Variants in TMEM62 observed in about 807,000 individuals in gnomAD.
TMEM62 encodes the protein transmembrane protein 62.
TMEM62 carries 41 observed loss-of-function variants against 70.4 expected under a neutral mutation model. That is an observed-to-expected ratio of 0.58 (90% CI 0.45 to 0.76). The LOEUF (loss-of-function observed/expected upper bound fraction) is 0.76. Among genes scored for constraint, TMEM62 ranks in the 30% least tolerant of loss-of-function variants. The pLI, the probability that TMEM62 is intolerant of heterozygous loss-of-function variation, is 0.00. For missense variants in TMEM62, 688 were observed against 788.5 expected, an observed-to-expected ratio of 0.87 and a Z score of 1.53; for synonymous variants, 268 against 291.0, an observed-to-expected ratio of 0.92 and a Z score of 0.80.
chr15:43,178,626 T>C lies in TMEM62; in HGVS notation c.1401T>C (p.Asn467=). The change falls in exon 12 of 14, where the codon AAT becomes AAC. Residue 467 remains asparagine (N), a synonymous_variant. Coordinates refer to ENST00000260403, the MANE Select transcript of TMEM62 (RefSeq NM_024956.4). The part of the protein sequence containing the change: ...PELKEPSGFI[N]LTSFSLHVLS... ...TTTTAGAACCTTCAGGGTTTATAAA[T>C]CTGACCTCATTTTCTCTTCATGTCT... The C allele has an allele frequency of 6.2e-7, 1 of 1,611,356 alleles. No homozygotes were observed.
intron 10 of TMEM62, among the ~76,000 whole-genome samples, chr15:43,167,691 G>T (rs927892663): frequency 1.6e-4 from 24 of 152,120 alleles, no homozygotes; most frequent in African/African-American, 5.3e-4. Flanking sequence ...GGGCGGCCAG[G>T]CAGAGACGCT....
rs115864676 is a variant in TMEM62, at chr15:43,148,721, A to G, written c.619-34A>G. 1.6e-3 allele frequency: 2,521 copies of G among 1,604,056 alleles called. 45 individuals are homozygous for G. The African/African-American group carries it at 0.029, about 19-fold the overall frequency. ...GACATTAGATTTTAGCCTGAGCCCT[A>G]ATTTAAGATCCTTCCATTTTTCTCC... On this transcript the variant is annotated intron_variant, in intron 5 of 13. Transcript: ENST00000260403.
chr15:43,149,832 G>A (rs569028526), intron 7 of TMEM62, among the ~76,000 whole-genome samples: 3 of 152,092 alleles, frequency 2.0e-5, no homozygotes, highest in Non-Finnish European at 4.4e-5. Context: ...TACCATACTG[G>A]TTATTGTTAC....
intron 8 of TMEM62, among the ~76,000 whole-genome samples, 189 bp from the exon 9 acceptor site, chr15:43,154,483 G>T (rs2037797572): frequency 6.6e-6 from 1 of 152,106 alleles, no homozygotes; most frequent in South Asian, 2.1e-4. Context: ...GTTCAGTTTT[G>T]CTAATTGTCC....
chr15:43,184,278 C>T lies in TMEM62; in HGVS notation c.1624C>T (p.Pro542Ser). Residue 542 changes from proline to serine, a missense_variant, in exon 14 of 14, where the codon CCC (proline) becomes TCC (serine). Transcript: ENST00000260403. ...GILQLAFFNIPLMAYMCWSLL... is the reference protein window; with the variant it reads ...GILQLAFFNISLMAYMCWSLL... ...TTTCCAGCTGGCGTTTTTTAACATC[C>T]CCTTGATGGCTTACATGTGTTGGAG... is the stretch of plus-strand genomic sequence containing the variant. 6.2e-7 allele frequency: 1 copy of T among 1,612,750 alleles called. No homozygotes were observed. The highest frequency in any genetic ancestry group is 8.5e-7 in the Non-Finnish European group (1 of 1,179,274).
At chr15:43,151,205 C>T (rs945159382) in intron 7 of TMEM62, among the ~76,000 whole-genome samples, 11 of 151,156 alleles carry the variant, frequency 7.3e-5, no homozygotes, top group African/African-American at 2.2e-4. Context: ...GGTGTGGTGG[C>T]GGGCACCTGT....
rs2041747286 is a variant in TMEM62 at position 43,184,889 on chromosome 15, G to A, written c.*303G>A. On this transcript the variant is annotated 3_prime_UTR_variant, in exon 14 of 14. Transcript: ENST00000260403. ...TCCACAGGGTAGAGGTTGGGTGTGT[G>A]TACGGGAGTGTCTGAGGCCCAGTGT... is the stretch of plus-strand genomic sequence containing the variant. The A allele has an allele frequency of 1.2e-5, 5 of 409,380 alleles. No individual in the cohort carries two copies. The allele number at this position is 409,380 out of a possible 1,614,324, so 25.4% of individuals were successfully genotyped here.
At chr15:43,184,127 C>T (rs1016351939) in intron 13 of TMEM62, 133 bp from the exon 14 acceptor site, 4 of 742,574 alleles carry the variant, frequency 5.4e-6, no homozygotes, top group African/African-American at 5.3e-5. Flanking sequence ...GTGTTATAAG[C>T]AACTGTGCTT....
At chr15:43,138,427 GAAT>G in intron 3 of TMEM62, 144 bp from the exon 4 acceptor site, 1 of 650,840 alleles carries the variant, frequency 1.5e-6, no homozygotes, top group Non-Finnish European at 2.6e-6. Context: ...ACTGTTTGCT[GAAT>G]AATAAATGGA....
At chr15:43,160,170 T>A (rs540357268) in intron 9 of TMEM62, among the ~76,000 whole-genome samples, 1 of 152,152 alleles carries the variant, frequency 6.6e-6, no homozygotes, top group East Asian at 2.0e-4. Flanking sequence ...GGTTTCACTA[T>A]GTTGGCCAGG....
intron 13 of TMEM62, among the ~76,000 whole-genome samples, chr15:43,183,098 C>G (rs1421208074): frequency 6.6e-6 from 1 of 152,224 alleles, no homozygotes; most frequent in African/African-American, 2.4e-5. Context: ...TAATAAATGA[C>G]TCCACCATTC....
chr15:43,151,687 A>G, intron 7 of TMEM62, 103 bp from the exon 8 acceptor site: 1 of 993,858 alleles, frequency 1.0e-6, no homozygotes, highest in Non-Finnish European at 1.5e-6. Context: ...TAATCATGTA[A>G]AAAAGTCCTA....
intron 5 of TMEM62, among the ~76,000 whole-genome samples, chr15:43,147,540 C>A (rs2036830395): frequency 6.6e-6 from 1 of 151,800 alleles, no homozygotes; most frequent in Non-Finnish European, 1.5e-5. Context: ...AGGTATAAGA[C>A]CAGTATAGAA....
chr15:43,138,884 A>C (rs1239817527), intron 4 of TMEM62, among the ~76,000 whole-genome samples: 1 of 152,224 alleles, frequency 6.6e-6, no homozygotes, highest in Non-Finnish European at 1.5e-5. Flanking sequence ...ATCTCTAGTA[A>C]TTTAAAAAAT....
intron 11 of TMEM62, among the ~76,000 whole-genome samples, chr15:43,177,117 C>A (rs949445245): frequency 6.6e-6 from 1 of 151,526 alleles, no homozygotes; most frequent in African/African-American, 2.4e-5. Context: ...TGAAATGAAG[C>A]GAGAAGGGAA....
At position 43,180,941 on chromosome 15, in the gene TMEM62, A is replaced by ACACAT. The variant is rs571300350; in HGVS notation, c.1487-239_1487-235dup. The ACACAT allele has an allele frequency of 1.2e-4, 42 of 362,358 alleles. No homozygotes were observed. In the East Asian group the frequency reaches 1.8e-3, roughly 15 times the overall value. 22.4% of individuals were successfully genotyped at this position (362,358 alleles called of 1,614,324 possible). A position where few individuals can be genotyped will look rare whatever the true frequency, so the allele number is the denominator to read the frequency against. On this transcript the variant is annotated intron_variant, in intron 12 of 13. Transcript: ENST00000260403. ...TTTTTTTGTTTCTAGAATCTATAAG[A>ACACAT]CACATATCTGTTCTAGGTATAGTGT...
In TMEM62 at chr15:43,148,778, A is replaced by G. The variant is rs1194141195; in HGVS notation, c.642A>G (p.Leu214=). The G allele has an allele frequency of 6.2e-7, 1 of 1,614,062 alleles. No homozygotes were observed. Among genetic ancestry groups the G allele is most frequent in the Admixed American group, 1.7e-5 (1 of 60,000 alleles). ...LDKKKMEELL[L]LAKESSRSNH... ...AGAAAAAGATGGAGGAGCTCTTATT[A>G]CTGGCCAAGGAAAGCAGTCGGAGCA... Residue 214 remains leucine, a synonymous_variant, in exon 6 of 14, where the codon TTA becomes TTG. Transcript: ENST00000260403.
intron 4 of TMEM62, among the ~76,000 whole-genome samples, chr15:43,145,902 T>A (rs1271829916): frequency 6.6e-6 from 1 of 152,194 alleles, no homozygotes; most frequent in Non-Finnish European, 1.5e-5. Context: ...ACTCTGCAGT[T>A]TTATGGACAC....
intron 10 of TMEM62, among the ~76,000 whole-genome samples, chr15:43,165,014 T>C (rs994136784): frequency 2.6e-5 from 4 of 152,214 alleles, no homozygotes; most frequent in South Asian, 2.1e-4. Flanking sequence ...CTTTGGGAAT[T>C]TGGTTAATAA....
Sources: gnomAD v4.1 joint callset for allele counts (sites outside exome capture counted in the v4.1 genomes callset) on GRCh38, gnomAD v4.1.1 for gene constraint, MANE v1.5 for transcripts, NCBI Gene and HGNC (gene_info 2026-07-23, HGNC 2026-07-21) for gene names.